The following ADAMTS6 variants were observed in gnomAD, a reference collection of about 807,000 sequenced individuals.
The protein encoded by ADAMTS6 is ADAM metallopeptidase with thrombospondin type 1 motif 6, also known as A disintegrin and metalloproteinase with thrombospondin motifs 6.
In ADAMTS6, 23 loss-of-function variants were observed where a neutral mutation model predicts 144.3. That is an observed-to-expected ratio of 0.16 (90% CI 0.11 to 0.23). ADAMTS6 has a LOEUF of 0.23. ADAMTS6 is among the 10% of genes least tolerant of loss of function. The probability of loss-of-function intolerance (pLI) is 1.00; values close to 1 mark genes in which losing one functional copy is unlikely to be tolerated. For missense variants in ADAMTS6, 999 were observed against 1,379.6 expected, an observed-to-expected ratio of 0.72 and a Z score of 4.37; for synonymous variants, 444 against 457.5, an observed-to-expected ratio of 0.97 and a Z score of 0.38.
At chr5:65,424,456 T>TA (rs1205981688) in intron 7 of ADAMTS6, among the ~76,000 whole-genome samples, 2 of 152,200 alleles carry the variant, frequency 1.3e-5, no homozygotes, top group Non-Finnish European at 2.9e-5. Context: ...CATTGGAAAA[T>TA]AAGTACACAA....
chr5:65,308,140 G>A (rs778374117), intron 9 of ADAMTS6, among the ~76,000 whole-genome samples: 5 of 152,088 alleles, frequency 3.3e-5, no homozygotes, highest in Non-Finnish European at 7.4e-5. Context: ...TACAGCAGGG[G>A]GTACTGGGAA....
At chr5:65,224,480 T>A in intron 17 of ADAMTS6, 80 bp from the exon 18 acceptor site, 1 of 1,156,548 alleles carries the variant, frequency 8.6e-7, no homozygotes, top group East Asian at 2.3e-5. Flanking sequence ...AGTAATAGTT[T>A]CCTTATTATT....
intron 15 of ADAMTS6, among the ~76,000 whole-genome samples, chr5:65,241,303 T>C (rs988844591): frequency 1.3e-5 from 2 of 149,240 alleles, no homozygotes; most frequent in African/African-American, 2.5e-5. Context: ...TGATCTTGGC[T>C]CTCTGCAACC....
Position 65,481,772 on chromosome 5 carries a change from A to G in ADAMTS6, c.-709T>C, listed in dbSNP as rs1185161239. Reference sequence around the variant, plus strand: ...TGCAAATAACATGTGCAGAGCATCAAAAGGTATCAGGAGAAAAGAAGACAA... The same window carrying G: ...TGCAAATAACATGTGCAGAGCATCAGAAGGTATCAGGAGAAAAGAAGACAA... On this transcript the variant is annotated 5_prime_UTR_variant, in exon 1 of 25. Transcript: ENST00000381055. 2 of 152,348 alleles carry G rather than the reference A, an allele frequency of 1.3e-5. No individual in the cohort carries two copies. The highest frequency in any genetic ancestry group is 4.8e-5 in the African/African-American group (2 of 41,454). The allele number at this position is 152,348 out of a possible 1,614,324, so 9.4% of individuals were successfully genotyped here.
chr5:65,224,837 T>C, intron 17 of ADAMTS6, 87 bp downstream of exon 17: 1 of 1,438,034 alleles, frequency 7.0e-7, no homozygotes, highest in Admixed American at 2.6e-5. Context: ...AATAAAGAAA[T>C]CTGAAAAACA....
At chr5:65,426,387 T>C (rs181741038) in intron 7 of ADAMTS6, among the ~76,000 whole-genome samples, 208 of 152,178 alleles carry the variant, frequency 1.4e-3, no homozygotes, top group African/African-American at 4.7e-3. Context: ...TAGCCTACTT[T>C]TATCACTTCT....
chr5:65,304,713 G>A (rs1743763438), intron 9 of ADAMTS6, among the ~76,000 whole-genome samples: 1 of 152,088 alleles, frequency 6.6e-6, no homozygotes, highest in Non-Finnish European at 1.5e-5. Flanking sequence ...TTGCAGGCGT[G>A]AGCCCCCATA....
At chr5:65,373,030 G>A (rs1295360485) in intron 7 of ADAMTS6, among the ~76,000 whole-genome samples, 1 of 152,176 alleles carries the variant, frequency 6.6e-6, no homozygotes, top group Non-Finnish European at 1.5e-5. Context: ...CAAAATGAAG[G>A]CAGAAACAAA....
rs774136383 is a variant in ADAMTS6 at position 65,410,101 on chromosome 5, G to A, written c.1073+41374C>T. 8.8e-4 allele frequency among the ~76,000 whole-genome samples: 134 copies of A among 152,154 alleles called. 1 individual carries two copies. The highest frequency in any genetic ancestry group is 4.6e-3 in the Admixed American group (70 of 15,280). On this transcript the variant is annotated intron_variant, in intron 7 of 24. Coordinates refer to ENST00000381055, the MANE Select transcript of ADAMTS6 (RefSeq NM_197941.4). Reference sequence around the variant, plus strand: ...ACTTGTGCTTGAGAGAAAAGAAGACGGGCAATACTGAGAGCAGAGAAAATG... The same window carrying A: ...ACTTGTGCTTGAGAGAAAAGAAGACAGGCAATACTGAGAGCAGAGAAAATG...
intron 3 of ADAMTS6, among the ~76,000 whole-genome samples, chr5:65,463,011 C>T (rs1194369493): frequency 3.3e-5 from 5 of 149,308 alleles, no homozygotes; most frequent in Admixed American, 1.3e-4. Flanking sequence ...ACCTGGGAGG[C>T]GGAGGTTGCA....
At chr5:65,163,243 G>C (rs937807448) in intron 24 of ADAMTS6, among the ~76,000 whole-genome samples, 4 of 152,022 alleles carry the variant, frequency 2.6e-5, no homozygotes, top group South Asian at 4.2e-4. Flanking sequence ...TAATTTAAAA[G>C]ATAATTTTTT....
intron 7 of ADAMTS6, among the ~76,000 whole-genome samples, chr5:65,416,561 G>A (rs1755528037): frequency 6.6e-6 from 1 of 151,886 alleles, no homozygotes; most frequent in African/African-American, 2.4e-5. Flanking sequence ...AGGGATGAAG[G>A]AATAACTAAC....
intron 11 of ADAMTS6, among the ~76,000 whole-genome samples, chr5:65,278,702 C>A (rs2077757044): frequency 1.3e-5 from 2 of 152,232 alleles, no homozygotes; most frequent in African/African-American, 4.8e-5. Context: ...CTTCTGAATC[C>A]AATTTCTTTC....
chr5:65,362,956 G>A (rs1389624986), intron 7 of ADAMTS6, among the ~76,000 whole-genome samples: 1 of 152,024 alleles, frequency 6.6e-6, no homozygotes, highest in Non-Finnish European at 1.5e-5. Context: ...ACAAACCCCA[G>A]TTTATCCAAA....
intron 18 of ADAMTS6, among the ~76,000 whole-genome samples, chr5:65,218,869 T>C (rs1179411951): frequency 6.6e-6 from 1 of 152,166 alleles, no homozygotes; most frequent in East Asian, 1.9e-4. Context: ...GGTAAACTGT[T>C]GTAAGGGTCT....
intron 1 of ADAMTS6, among the ~76,000 whole-genome samples, chr5:65,477,987 C>T (rs890746016): frequency 1.3e-5 from 2 of 151,816 alleles, no homozygotes; most frequent in Admixed American, 1.3e-4. Flanking sequence ...ATTAGCCAGG[C>T]GTGGTGGTGC....
At chr5:65,432,755 C>T (rs1481191938) in intron 7 of ADAMTS6, among the ~76,000 whole-genome samples, 2 of 152,066 alleles carry the variant, frequency 1.3e-5, no homozygotes, top group Admixed American at 6.6e-5. Flanking sequence ...ATGTCATGTA[C>T]TGGCCTCTGC....
intron 20 of ADAMTS6, chr5:65,198,885 A>G (rs2112236013): frequency 6.6e-6 from 1 of 152,388 alleles, no homozygotes; most frequent in Admixed American, 6.5e-5. Flanking sequence ...AGAATGATTC[A>G]CATCAGGCAT....
chr5:65,404,717 C>T (rs541678383), intron 7 of ADAMTS6, among the ~76,000 whole-genome samples: 2 of 152,310 alleles, frequency 1.3e-5, no homozygotes, highest in African/African-American at 4.8e-5. Flanking sequence ...TGAGGAATCA[C>T]CACACTGCCT....
Sources: gnomAD v4.1 joint callset for allele counts (sites outside exome capture counted in the v4.1 genomes callset) on GRCh38, gnomAD v4.1.1 for gene constraint, MANE v1.5 for transcripts, NCBI Gene and HGNC (gene_info 2026-07-23, HGNC 2026-07-21) for gene names.